The following PRKCZ variants were observed in gnomAD, a reference collection of about 807,000 sequenced individuals.
The protein encoded by PRKCZ is protein kinase C zeta type.
PRKCZ carries 33 observed loss-of-function variants against 79.5 expected under a neutral mutation model. That is an observed-to-expected ratio of 0.41 (90% CI 0.31 to 0.55). The LOEUF is 0.55. Ranked by LOEUF, PRKCZ falls within the 20% of genes least tolerant of loss-of-function variation. The probability of loss-of-function intolerance (pLI) is 0.19; values close to 1 mark genes in which losing one functional copy is unlikely to be tolerated. For missense variants in PRKCZ, 578 were observed against 813.5 expected, an observed-to-expected ratio of 0.71 and a Z score of 3.52; for synonymous variants, 342 against 320.9, an observed-to-expected ratio of 1.07 and a Z score of -0.70.
upstream of PRKCZ, among the ~76,000 whole-genome samples, chr1:2,048,508 G>A (rs1023958728): frequency 3.3e-5 from 5 of 152,222 alleles, no homozygotes; most frequent in African/African-American, 4.8e-5. Flanking sequence ...GGGAGTGGCC[G>A]TGCAAAGACG....
In PRKCZ at chr1:2,173,747, GGGAAGT is replaced by G; in HGVS notation, c.1286-143_1286-138del. Reference sequence around the variant, plus strand: ...CCAGGTGGAGGTGCTGGTTCTGTTTGGGAAGTGGAAGTCACAGAGGCCTGTGTGCCG... The same window carrying G: ...CCAGGTGGAGGTGCTGGTTCTGTTTGGGAAGTCACAGAGGCCTGTGTGCCG... On this transcript the variant is annotated intron_variant, in intron 13 of 17. Coordinates refer to ENST00000378567, the MANE Select transcript of PRKCZ (RefSeq NM_002744.6). The surrounding 1 kb of genome is among the most constrained non-coding windows in gnomAD (Gnocchi z 5.7). 8.6e-7 allele frequency: 1 copy of G among 1,166,122 alleles called. No individual in the cohort carries two copies. The highest frequency in any genetic ancestry group is 1.2e-6 in the Non-Finnish European group (1 of 852,992). 72.2% of individuals were successfully genotyped at this position (1,166,122 alleles called of 1,614,324 possible).
rs1237410726 is a variant in PRKCZ, at chr1:2,124,331, ACGG to A, written c.335-10930_335-10928del. On this transcript the variant is annotated intron_variant, in intron 4 of 17. Coordinates refer to ENST00000378567, the MANE Select transcript of PRKCZ (RefSeq NM_002744.6). Reference sequence around the variant, plus strand: ...TAGGGTCACGGTGGTGGTTAGGGTCACGGTGGTGGTTAGGGTCACGGCGGTGGT... The same window carrying A: ...TAGGGTCACGGTGGTGGTTAGGGTCATGGTGGTTAGGGTCACGGCGGTGGT... 8.1e-5 allele frequency among the ~76,000 whole-genome samples: 8 copies of A among 99,234 alleles called. 2 individuals carry two copies. The highest frequency in any genetic ancestry group is 7.0e-4 in the South Asian group (2 of 2,842). The allele number at this position is 99,234 out of a possible 152,430, so 65.1% of individuals were successfully genotyped here.
At chr1:2,171,740 C>T (rs902031554) in intron 11 of PRKCZ, 4 of 330,132 alleles carry the variant, frequency 1.2e-5, no homozygotes, top group African/African-American at 2.2e-5. Context: ...CCTACCACAA[C>T]GTGCCATGGC....
At chr1:2,079,189 A>G (rs1056012473) in intron 4 of PRKCZ, among the ~76,000 whole-genome samples, 11 of 152,222 alleles carry the variant, frequency 7.2e-5, no homozygotes, top group African/African-American at 1.7e-4. Context: ...TGTCAAAGGC[A>G]TATCGCACTT....
At chr1:2,050,826 G>A (rs946810012) in intron 1 of PRKCZ, 125 bp downstream of exon 1, 24 of 589,280 alleles carry the variant, frequency 4.1e-5, no homozygotes, top group Admixed American at 9.0e-5. Context: ...CGGGCCCGGG[G>A]CTGTCGCGGG....
In PRKCZ at chr1:2,185,057, G is replaced by A; in HGVS notation, c.*48G>A. The A allele has an allele frequency of 6.5e-7, 1 of 1,527,670 alleles. No individual in the cohort carries two copies. The allele number at this position is 1,527,670 out of a possible 1,614,324, so 94.6% of individuals were successfully genotyped here. On this transcript the variant is annotated 3_prime_UTR_variant, in exon 18 of 18. Coordinates refer to ENST00000378567, the MANE Select transcript of PRKCZ (RefSeq NM_002744.6). ...GACACGCGTGATTGACCCTTTAACT[G>A]TATCCTTAACCACCGCATATGCATG...
chr1:2,092,909 C>T (rs1235130412), intron 4 of PRKCZ, among the ~76,000 whole-genome samples: 6 of 152,146 alleles, frequency 3.9e-5, no homozygotes, highest in Non-Finnish European at 7.4e-5. Context: ...CCAGTCCCAG[C>T]GGACACATCT....
At chr1:2,065,920 T>G (rs1661087980) in intron 4 of PRKCZ, among the ~76,000 whole-genome samples, 1 of 151,992 alleles carries the variant, frequency 6.6e-6, no homozygotes, top group South Asian at 2.1e-4. Context: ...CGATCATGTG[T>G]TTTTTTTACC....
chr1:2,105,339 C>T (rs1041380042), intron 4 of PRKCZ, among the ~76,000 whole-genome samples: 2 of 152,206 alleles, frequency 1.3e-5, no homozygotes, highest in African/African-American at 4.8e-5. Flanking sequence ...CATGAGGGTG[C>T]CCGGGGCCCA....
At chr1:2,108,237 T>C (rs934075423) in intron 4 of PRKCZ, among the ~76,000 whole-genome samples, 2 of 152,342 alleles carry the variant, frequency 1.3e-5, no homozygotes, top group Non-Finnish European at 2.9e-5. Flanking sequence ...GAGGCCGTCC[T>C]CTCCTGCAGA....
chr1:2,131,834 G>A (rs1200461351), intron 4 of PRKCZ, among the ~76,000 whole-genome samples: 1 of 152,208 alleles, frequency 6.6e-6, no homozygotes, highest in African/African-American at 2.4e-5. Flanking sequence ...TTGTTTTTGA[G>A]AGAGTCTCGC....
intron 4 of PRKCZ, among the ~76,000 whole-genome samples, chr1:2,079,911 CT>C (rs1442712822): frequency 1.3e-5 from 2 of 152,182 alleles, no homozygotes; most frequent in Non-Finnish European, 2.9e-5. Context: ...CATCTCACCC[CT>C]AGTAAGGAGT....
intron 4 of PRKCZ, among the ~76,000 whole-genome samples, chr1:2,106,417 C>A (rs895766888): frequency 1.3e-5 from 2 of 151,746 alleles, no homozygotes; most frequent in African/African-American, 4.9e-5. Flanking sequence ...CTCTAGTGGG[C>A]GAGGACCTCC....
Position 2,124,360 on chromosome 1 carries a change from TAG to T in PRKCZ, c.335-10901_335-10900del, listed in dbSNP as rs1673416860. 1.6e-5 allele frequency among the ~76,000 whole-genome samples: 2 copies of T among 123,768 alleles called. 1 individual carries two copies. Among genetic ancestry groups the T allele is most frequent in the African/African-American group, 6.5e-5 (2 of 30,626 alleles). 81.2% of individuals were successfully genotyped at this position (123,768 alleles called of 152,430 possible). A position where few individuals can be genotyped will look rare whatever the true frequency, so the allele number is the denominator to read the frequency against. On this transcript the variant is annotated intron_variant, in intron 4 of 17. Transcript: ENST00000378567. ...TGGTGGTTAGGGTCACGGCGGTGGT[TAG>T]GGTCACGGCGGCGGTTAGGGTCACG...
intron 4 of PRKCZ, chr1:2,071,552 T>A: frequency 5.6e-6 from 1 of 179,448 alleles, no homozygotes; most frequent in South Asian, 8.2e-5. Context: ...TGTCTCAAAT[T>A]ATTTGCAACA....
Position 2,051,495 on chromosome 1 carries a change from G to A in PRKCZ, c.71+794G>A, listed in dbSNP as rs537055582. 5.3e-5 allele frequency among the ~76,000 whole-genome samples: 8 copies of A among 152,328 alleles called. No individual in the cohort carries two copies. In the East Asian group the frequency reaches 1.2e-3, roughly 22 times the overall value. On this transcript the variant is annotated intron_variant, in intron 1 of 17. Transcript: ENST00000378567. ...ACCTGTGCGCGTCTCCAGGAGCCCC[G>A]AACTGGGACCTCCGCTCCCGCGAGG...
chr1:2,106,392 A>T, intron 4 of PRKCZ, among the ~76,000 whole-genome samples: 1 of 152,066 alleles, frequency 6.6e-6, no homozygotes, highest in South Asian at 2.1e-4. Context: ...GATACCTGTG[A>T]CTCTCAGCAA....
At chr1:2,126,555 G>A (rs1376363813) in intron 4 of PRKCZ, among the ~76,000 whole-genome samples, 2 of 152,266 alleles carry the variant, frequency 1.3e-5, no homozygotes, top group East Asian at 3.9e-4. Context: ...GACCGCCCTG[G>A]GCCCGTGATG....
At chr1:2,066,777 C>A (rs1661156919) in intron 4 of PRKCZ, among the ~76,000 whole-genome samples, 1 of 152,158 alleles carries the variant, frequency 6.6e-6, no homozygotes, top group South Asian at 2.1e-4. Context: ...TCACCATAGC[C>A]AGGCGCCATG....
Sources: gnomAD v4.1 joint callset for allele counts (sites outside exome capture counted in the v4.1 genomes callset) on GRCh38, gnomAD v4.1.1 for gene constraint, Gnocchi (gnomAD v3.1) non-coding constraint, MANE v1.5 for transcripts, NCBI Gene and HGNC (gene_info 2026-07-23, HGNC 2026-07-21) for gene names.